The following TPM4 variants were observed in gnomAD, a reference collection of about 807,000 sequenced individuals.
The protein encoded by TPM4 is tropomyosin 4.
TPM4 carries 17 observed loss-of-function variants against 35.8 expected under a neutral mutation model. That is an observed-to-expected ratio of 0.47 (90% CI 0.32 to 0.71). TPM4 has a LOEUF of 0.71. TPM4 is among the 30% of genes least tolerant of loss of function. TPM4 has a pLI of 0.03. For missense variants in TPM4, 240 were observed against 320.9 expected (o/e 0.75, Z 1.93); for synonymous variants, 120 against 122.9 (o/e 0.98, Z 0.15).
At chr19:16,093,646 C>T (rs750704794) in intron 6 of TPM4, 38 bp from the exon 7 acceptor site, 2 of 1,614,198 alleles carry the variant, frequency 1.2e-6, no homozygotes, top group Admixed American at 1.7e-5. Context: ...TGGGGCTGGT[C>T]TTGAAGCCAT....
intron 1 of TPM4, among the ~76,000 whole-genome samples, chr19:16,077,687 A>G (rs1206166525): frequency 7.7e-6 from 1 of 129,854 alleles, no homozygotes; most frequent in Non-Finnish European, 1.6e-5. Flanking sequence ...GACCCCCCAG[A>G]GTAGCAGGGA....
chr19:16,092,841 A>G (rs1455605674), intron 5 of TPM4, among the ~76,000 whole-genome samples: 2 of 151,804 alleles, frequency 1.3e-5, no homozygotes, highest in African/African-American at 2.4e-5. Flanking sequence ...TGGCCTGCTT[A>G]CTTCTTTTTA....
intron 2 of TPM4, among the ~76,000 whole-genome samples, chr19:16,083,757 CTTT>C (rs573965261): frequency 6.6e-5 from 8 of 120,646 alleles, no homozygotes; most frequent in Admixed American, 2.7e-4. Flanking sequence ...AGATTCATTT[CTTT>C]TTTTTTTTTT....
At position 16,076,717 on chromosome 19, in the gene TPM4, G is replaced by C; in HGVS notation, c.132+20G>C. On this transcript the variant is annotated intron_variant, in intron 1 of 7. Transcript: ENST00000643579. ...GAGAAAGTGAGCGCCCCGGCCTCGG[G>C]CCCCGCACCCGCAGCCTCCTCCCCC... is the stretch of plus-strand genomic sequence containing the variant. 7.6e-7 allele frequency: 1 copy of C among 1,318,434 alleles called. No individual in the cohort carries two copies. The highest frequency in any genetic ancestry group is 9.7e-7 in the Non-Finnish European group (1 of 1,034,910). 81.7% of individuals were successfully genotyped at this position (1,318,434 alleles called of 1,614,324 possible).
At chr19:16,073,810 T>C (rs974412083), upstream of TPM4, among the ~76,000 whole-genome samples, 2 of 151,488 alleles carry the variant, frequency 1.3e-5, no homozygotes, top group South Asian at 4.2e-4. Flanking sequence ...ATGGGAAGCC[T>C]GGAGTTCACA....
At chr19:16,100,252 A>G (rs995549773) in intron 7 of TPM4, 1 of 152,126 alleles carries the variant, frequency 6.6e-6, no homozygotes, top group Non-Finnish European at 1.5e-5. Context: ...AGGTATTCTG[A>G]CTCAAGGGTT....
chr19:16,098,032 CTG>C (rs752326824), intron 7 of TPM4, among the ~76,000 whole-genome samples: 2 of 152,138 alleles, frequency 1.3e-5, no homozygotes, highest in East Asian at 1.9e-4. Flanking sequence ...TGTTTGGAGT[CTG>C]TGTGTTTGTC....
chr19:16,076,883 T>C, intron 1 of TPM4, 186 bp downstream of exon 1: 1 of 1,202,844 alleles, frequency 8.3e-7, no homozygotes, highest in South Asian at 3.0e-5. Flanking sequence ...TCCGCCGTCC[T>C]CCTTCCTGGG....
In TPM4 at chr19:16,088,011, C is replaced by T. The variant is rs374120813; in HGVS notation, c.385-16C>T. 4.4e-5 allele frequency: 71 copies of T among 1,606,344 alleles called. No homozygotes were observed. The African/African-American group carries it at 8.1e-4, about 18-fold the overall frequency. Reference sequence around the variant, plus strand: ...TGGTGGGGATCGGGCTCAGCTGGGCCTTTCTGTCTCTGCAGGTAGCTCGTA... The same window carrying T: ...TGGTGGGGATCGGGCTCAGCTGGGCTTTTCTGTCTCTGCAGGTAGCTCGTA... On this transcript the variant is annotated splice_polypyrimidine_tract_variant and intron_variant, in intron 3 of 7. Transcript: ENST00000643579.
chr19:16,089,163 G>T (rs779973308), intron 5 of TPM4, 43 bp downstream of exon 5: 2 of 1,611,072 alleles, frequency 1.2e-6, no homozygotes, highest in African/African-American at 2.7e-5. Context: ...GCTGGACTTT[G>T]TTCTTTTCTT....
rs1480368268 is a variant in TPM4 at position 16,086,514 on chromosome 19, G to A, written c.358G>A (p.Glu120Lys). The change falls in exon 3 of 8, where the codon GAA becomes AAA. Residue 120 changes from glutamate to lysine, a missense_variant. Glu to Lys is a moderately conservative substitution (Grantham distance 56). Transcript: ENST00000643579. Reference protein sequence around the residue: ...MQLKEAKHIAEEADRKYEEVA... With the variant: ...MQLKEAKHIAKEADRKYEEVA... ...GCTCAAAGAGGCCAAGCACATTGCGGAAGAGGCTGACCGCAAATACGAGGA... is the reference window on the plus strand; with the variant it reads ...GCTCAAAGAGGCCAAGCACATTGCGAAAGAGGCTGACCGCAAATACGAGGA... 3 of 1,613,818 alleles carry A rather than the reference G, an allele frequency of 1.9e-6. No individual in the cohort carries two copies. The highest frequency in any genetic ancestry group is 1.1e-5 in the South Asian group (1 of 91,036).
chr19:16,091,476 C>T (rs1179946770), intron 5 of TPM4, among the ~76,000 whole-genome samples: 1 of 152,144 alleles, frequency 6.6e-6, no homozygotes, highest in Non-Finnish European at 1.5e-5. Context: ...AAGGAGGCGA[C>T]ATTTAAAACA....
rs2090310101 is a variant in TPM4, at chr19:16,067,615, G to A, written c.-10G>A. 2 of 1,612,154 alleles carry A rather than the reference G, an allele frequency of 1.2e-6. No individual in the cohort carries two copies. Among genetic ancestry groups the A allele is most frequent in the African/African-American group, 2.7e-5 (2 of 74,874 alleles). On this transcript the variant is annotated 5_prime_UTR_variant, in exon 2 of 3. Coordinates refer to the TPM4 transcript ENST00000589897. This position sits in a 1 kb window ranked among gnomAD's most constrained non-coding sequence, Gnocchi z 4.1. Reference sequence around the variant, plus strand: ...CGCGCACCCCACGTCCCCCACGCCAGCGCCCAGCCATGGAGGCCATCAAGA... The same window carrying A: ...CGCGCACCCCACGTCCCCCACGCCAACGCCCAGCCATGGAGGCCATCAAGA...
chr19:16,067,995 G>A lies in TPM4; in HGVS notation c.114+257G>A. On this transcript the variant is annotated intron_variant, in intron 2 of 2. Transcript: ENST00000589897. This position sits in a 1 kb window ranked among gnomAD's most constrained non-coding sequence, Gnocchi z 4.1. Reference sequence around the variant, plus strand: ...TGACAGAGAGAGAGTTGGCGGGGGAGGGAGAGTGAGAACGTTCGTGAGCGA... The same window carrying A: ...TGACAGAGAGAGAGTTGGCGGGGGAAGGAGAGTGAGAACGTTCGTGAGCGA... The A allele has an allele frequency of 2.0e-6, 1 of 493,606 alleles. No individual in the cohort carries two copies. The highest frequency in any genetic ancestry group is 3.6e-6 in the Non-Finnish European group (1 of 278,400). 30.6% of individuals were successfully genotyped at this position (493,606 alleles called of 1,614,324 possible).
At chr19:16,085,280 G>A (rs141860167) in intron 2 of TPM4, among the ~76,000 whole-genome samples, 4 of 151,618 alleles carry the variant, frequency 2.6e-5, no homozygotes, top group African/African-American at 7.3e-5. Context: ...AATACACAAC[G>A]TCTTGCTCTG....
chr19:16,084,118 AG>A (rs1173196469), intron 2 of TPM4, among the ~76,000 whole-genome samples: 2 of 152,130 alleles, frequency 1.3e-5, no homozygotes, highest in African/African-American at 4.8e-5. Flanking sequence ...TAGTAGAGAC[AG>A]GGTTTCACCG....
In TPM4 at chr19:16,078,290, AG is replaced by A. The variant is rs2090437867; in HGVS notation, c.132+1594del. 3 of 390,098 alleles carry A rather than the reference AG, an allele frequency of 7.7e-6. No individual in the cohort carries two copies. The East Asian group carries it at 1.1e-4, about 14-fold the overall frequency. The allele number at this position is 390,098 out of a possible 1,614,324, so 24.2% of individuals were successfully genotyped here. The stretch of plus-strand genomic sequence containing the variant: ...GTGTGCACAGACTCAGAGGCAAGAA[AG>A]TTGTATGATGAGGGTGGGGGGGTGT... On this transcript the variant is annotated intron_variant, in intron 1 of 7. Transcript: ENST00000643579.
chr19:16,092,961 C>T lies in TPM4; in HGVS notation c.532-575C>T, dbSNP rs112853403. ...CCTTGAATTCCAGGGTTCAAGCCAT[C>T]TTCCCTCCTCAGCGTCCCCATTAGC... On this transcript the variant is annotated intron_variant, in intron 5 of 7. Coordinates refer to ENST00000643579, the MANE Select transcript of TPM4 (RefSeq NM_003290.3). The T allele has an allele frequency of 9.8e-3, 1,564 of 159,134 alleles. 23 individuals are homozygous for T. Among genetic ancestry groups the T allele is most frequent in the African/African-American group, 0.034 (1,409 of 41,524 alleles). The allele number at this position is 159,134 out of a possible 1,614,324, so 9.9% of individuals were successfully genotyped here.
At chr19:16,097,412 C>G (rs1393818949) in intron 7 of TPM4, among the ~76,000 whole-genome samples, 1 of 151,914 alleles carries the variant, frequency 6.6e-6, no homozygotes, top group Admixed American at 6.6e-5. Context: ...GTAGCTGGGA[C>G]TACAGGCATG....
Sources: gnomAD v4.1 joint callset for allele counts (sites outside exome capture counted in the v4.1 genomes callset) on GRCh38, gnomAD v4.1.1 for gene constraint, Gnocchi (gnomAD v3.1) non-coding constraint, MANE v1.5 for transcripts, NCBI Gene and HGNC (gene_info 2026-07-23, HGNC 2026-07-21) for gene names.